The following AXDND1 variants were observed in gnomAD, a reference collection of about 807,000 sequenced individuals.
AXDND1 encodes the protein axonemal dynein light chain domain containing 1, also known as axonemal dynein light chain domain-containing protein 1.
In AXDND1, 110 loss-of-function variants were observed where a neutral mutation model predicts 137.5. The ratio of observed to expected loss-of-function variants is 0.80; its 90% CI spans 0.69 to 0.94. AXDND1 has a LOEUF of 0.94. AXDND1 is among the 40% of genes least tolerant of loss of function. AXDND1 has a pLI of 0.00. For synonymous variants in AXDND1, 414 were observed against 399.7 expected (o/e 1.04, Z -0.43); for missense variants, 1,191 against 1,169.8 (o/e 1.02, Z -0.26).
At chr1:179,392,610 C>T (rs541338737) in intron 9 of AXDND1, among the ~76,000 whole-genome samples, 2 of 152,306 alleles carry the variant, frequency 1.3e-5, no homozygotes, top group Non-Finnish European at 2.9e-5. Flanking sequence ...AAAGTGTTCT[C>T]TTTTCACCAC....
intron 8 of AXDND1, among the ~76,000 whole-genome samples, chr1:179,384,674 G>A (rs948047179): frequency 6.6e-6 from 1 of 152,022 alleles, no homozygotes; most frequent in African/African-American, 2.4e-5. Flanking sequence ...CAGATGTATA[G>A]TCATGATTTT....
At chr1:179,419,300 C>G (rs1481804334) in intron 12 of AXDND1, among the ~76,000 whole-genome samples, 1 of 152,006 alleles carries the variant, frequency 6.6e-6, no homozygotes, top group East Asian at 1.9e-4. Flanking sequence ...CAAGATCACG[C>G]CACTGCACTC....
chr1:179,431,086 G>C (rs764518601), intron 14 of AXDND1, among the ~76,000 whole-genome samples: 5 of 152,096 alleles, frequency 3.3e-5, no homozygotes, highest in Non-Finnish European at 5.9e-5. Context: ...TCACAGCCAA[G>C]GTTAGTGGGA....
intron 12 of AXDND1, among the ~76,000 whole-genome samples, chr1:179,421,047 T>C (rs922521274): frequency 1.3e-5 from 1 of 75,256 alleles, no homozygotes; most frequent in Non-Finnish European, 2.8e-5. Flanking sequence ...CTTCCTTCCT[T>C]CCTTCCTTCC....
At chr1:179,381,869 C>T (rs1018852490) in intron 6 of AXDND1, among the ~76,000 whole-genome samples, 37 of 151,820 alleles carry the variant, frequency 2.4e-4, no homozygotes, top group Non-Finnish European at 1.5e-5. Flanking sequence ...CAACCTCCAC[C>T]TCCTGGGTTT....
intron 17 of AXDND1, among the ~76,000 whole-genome samples, chr1:179,479,692 G>T (rs1000809983): frequency 6.6e-6 from 1 of 152,068 alleles, no homozygotes; most frequent in Non-Finnish European, 1.5e-5. Flanking sequence ...CAGGAGAATG[G>T]CGTGAACCTG....
intron 16 of AXDND1, among the ~76,000 whole-genome samples, chr1:179,458,598 C>CCGA (rs1410886045): frequency 1.3e-5 from 2 of 151,860 alleles, no homozygotes; most frequent in Non-Finnish European, 2.9e-5. Context: ...AGCGATTCAA[C>CCGA]ATTAGGAAAT....
chr1:179,378,613 A>G, intron 4 of AXDND1, 24 bp from the exon 5 acceptor site: 3 of 1,538,614 alleles, frequency 1.9e-6, no homozygotes, highest in South Asian at 2.4e-5. Context: ...TTTGTTTTGT[A>G]AATATATTTT....
intron 1 of AXDND1, 45 bp from the exon 2 acceptor site, chr1:179,366,359 G>C: frequency 3.4e-6 from 2 of 581,986 alleles, no homozygotes; most frequent in Non-Finnish European, 5.9e-6. Flanking sequence ...CTCAATAGTT[G>C]TCATCTTTTT....
At chr1:179,484,011 A>T (rs1289348571) in intron 18 of AXDND1, among the ~76,000 whole-genome samples, 2 of 152,196 alleles carry the variant, frequency 1.3e-5, no homozygotes, top group Non-Finnish European at 2.9e-5. Context: ...TTGAGGGTGG[A>T]CAGAGGGAAG....
intron 11 of AXDND1, among the ~76,000 whole-genome samples, chr1:179,403,677 G>T (rs1021278720): frequency 1.3e-5 from 2 of 152,126 alleles, no homozygotes; most frequent in Non-Finnish European, 2.9e-5. Context: ...GAATTCAAGT[G>T]ATTCTCCTGC....
intron 25 of AXDND1, among the ~76,000 whole-genome samples, chr1:179,553,365 T>C (rs1207789154): frequency 1.3e-5 from 2 of 152,186 alleles, no homozygotes; most frequent in Admixed American, 1.3e-4. Context: ...TAAATGTCCA[T>C]CAGCTGATGA....
chr1:179,452,017 T>A (rs2125399599), intron 16 of AXDND1: 1 of 152,742 alleles, frequency 6.5e-6, no homozygotes, highest in East Asian at 1.9e-4. Flanking sequence ...TTTGGAGGGC[T>A]TAGAAGAAGA....
rs1558092366 is a variant in AXDND1 at position 179,379,487 on chromosome 1, GT to G, written c.581+6del. The G allele has an allele frequency of 3.7e-6, 6 of 1,610,870 alleles. No individual in the cohort carries two copies. The highest frequency in any genetic ancestry group is 1.7e-4 in the Middle Eastern group (1 of 5,876). On this transcript the variant is annotated splice_donor_region_variant and intron_variant, in intron 6 of 25. Transcript: ENST00000367618. ...AGGTTTGGAGTGTTATGATGAGTGA[GT>G]ACTATGATATGTAAAAAATACCTGC...
Position 179,382,694 on chromosome 1 carries a change from T to C in AXDND1, c.582-6T>C. Reference sequence around the variant, plus strand: ...AAATAACATTTACCTATCTTATTTATTGTAGCAAATACACTACTCTCCTCA... The same window carrying C: ...AAATAACATTTACCTATCTTATTTACTGTAGCAAATACACTACTCTCCTCA... On this transcript the variant is annotated splice_region_variant and splice_polypyrimidine_tract_variant and intron_variant, in intron 6 of 25. Coordinates refer to ENST00000367618, the MANE Select transcript of AXDND1 (RefSeq NM_144696.6). 1 of 1,595,204 alleles carries C rather than the reference T, an allele frequency of 6.3e-7. No homozygotes were observed. The highest frequency in any genetic ancestry group is 1.1e-5 in the South Asian group (1 of 90,320).
At chr1:179,488,632 CTCCTTTCTTT>C (rs1264182082) in intron 18 of AXDND1, among the ~76,000 whole-genome samples, 3 of 63,120 alleles carry the variant, frequency 4.8e-5, no homozygotes, top group African/African-American at 1.2e-4. Context: ...CTCTCTCTCT[CTCCTTTCTTT>C]CTTTCTTTCT....
At chr1:179,471,631 T>C (rs1257591016) in intron 17 of AXDND1, among the ~76,000 whole-genome samples, 2 of 152,224 alleles carry the variant, frequency 1.3e-5, no homozygotes, top group Admixed American at 1.3e-4. Flanking sequence ...TTTGTTAATA[T>C]TGTTGATCTT....
At chr1:179,377,346 G>GTA (rs1647441040) in intron 4 of AXDND1, among the ~76,000 whole-genome samples, 1 of 152,166 alleles carries the variant, frequency 6.6e-6, no homozygotes, top group Non-Finnish European at 1.5e-5. Context: ...GCAGTGCCAG[G>GTA]TATGCAGTAG....
intron 17 of AXDND1, among the ~76,000 whole-genome samples, chr1:179,478,577 T>C (rs1294548391): frequency 6.6e-6 from 1 of 152,142 alleles, no homozygotes; most frequent in Non-Finnish European, 1.5e-5. Flanking sequence ...CATGAAGCCA[T>C]TTTTTCCTCC....
Sources: allele counts gnomAD v4.1 joint callset (sites outside exome capture counted in the v4.1 genomes callset), GRCh38; gene constraint gnomAD v4.1.1; transcripts MANE v1.5; gene names NCBI Gene and HGNC (gene_info 2026-07-23, HGNC 2026-07-21).